The following CERK variants were observed in gnomAD, a reference collection of about 807,000 sequenced individuals.
The protein encoded by CERK is acylsphingosine kinase.
CERK carries 39 observed loss-of-function variants against 63.4 expected under a neutral mutation model. The observed-to-expected ratio is 0.61, with a 90% CI of 0.48 to 0.80. The LOEUF is 0.80. CERK is among the 30% of genes least tolerant of loss of function. CERK has a pLI of 0.00. For missense variants in CERK, 670 were observed against 714.1 expected, an observed-to-expected ratio of 0.94 and a Z score of 0.70; for synonymous variants, 302 against 280.0, an observed-to-expected ratio of 1.08 and a Z score of -0.78.
chr22:46,721,142 G>A (rs1485897786), intron 1 of CERK, 127 bp from the exon 2 acceptor site: 7 of 669,614 alleles, frequency 1.0e-5, no homozygotes, highest in Non-Finnish European at 1.1e-5. Context: ...GCTGGGTGTG[G>A]TGGTGTGCAC....
At chr22:46,690,238 A>C in intron 11 of CERK, 38 bp from the exon 12 acceptor site, 1 of 1,582,174 alleles carries the variant, frequency 6.3e-7, no homozygotes, top group Non-Finnish European at 8.7e-7. Flanking sequence ...TCAGCTCTAA[A>C]CGTCATCGTC....
At position 46,719,007 on chromosome 22, in the gene CERK, G is replaced by A. The variant is rs149080196; in HGVS notation, c.379+1079C>T. ...CACTTGAGCCCGGAAGGTAGAGGCT[G>A]CAGTGAGCTAAGATCATGCCACTGC... is the stretch of plus-strand genomic sequence containing the variant. On this transcript the variant is annotated intron_variant, in intron 3 of 12. Transcript: ENST00000216264. Among the ~76,000 whole-genome samples, 648 of 152,144 alleles carry A rather than the reference G, an allele frequency of 4.3e-3. 13 individuals carry two copies. The highest frequency in any genetic ancestry group is 0.035 in the Admixed American group (532 of 15,286).
intron 1 of CERK, 92 bp downstream of exon 1, chr22:46,737,915 G>C: frequency 1.1e-6 from 1 of 900,396 alleles, no homozygotes; most frequent in Middle Eastern, 4.7e-4. Flanking sequence ...ACAGCCGCTC[G>C]CTCCCTGCAC....
intron 1 of CERK, among the ~76,000 whole-genome samples, chr22:46,736,454 G>A (rs2082974084): frequency 6.6e-6 from 1 of 151,262 alleles, no homozygotes; most frequent in Admixed American, 6.6e-5. Flanking sequence ...TAGGACGGGA[G>A]CAGCTGCCTC....
intron 1 of CERK, among the ~76,000 whole-genome samples, chr22:46,724,398 T>C (rs1283657806): frequency 6.6e-6 from 1 of 152,172 alleles, no homozygotes; most frequent in East Asian, 1.9e-4. Flanking sequence ...TGTGTGGGGC[T>C]GGGGCGCTAA....
In CERK at chr22:46,695,179, G is replaced by C. The variant is rs781641885; in HGVS notation, c.1049+31C>G. 5 of 1,099,062 alleles carry C rather than the reference G, an allele frequency of 4.5e-6. No individual in the cohort carries two copies. The African/African-American group carries it at 7.8e-5, about 17-fold the overall frequency. The allele number at this position is 1,099,062 out of a possible 1,614,324, so 68.1% of individuals were successfully genotyped here. The stretch of plus-strand genomic sequence containing the variant: ...CGTCCTGCTTCATTTCCCGTCATTT[G>C]CAAGAGAAACACACAAAGCAATGCA... On this transcript the variant is annotated intron_variant, in intron 9 of 12. Transcript: ENST00000216264.
chr22:46,733,064 C>T (rs1215998724), intron 1 of CERK, among the ~76,000 whole-genome samples: 4 of 151,100 alleles, frequency 2.6e-5, no homozygotes, highest in South Asian at 2.1e-4. Flanking sequence ...AAAAATTAGC[C>T]GGGTGCAATG....
chr22:46,689,958 A>G (rs2082721496), intron 12 of CERK, 34 bp downstream of exon 12: 4 of 1,535,006 alleles, frequency 2.6e-6, no homozygotes, highest in Non-Finnish European at 3.5e-6. Context: ...GCTCAAGGGG[A>G]TGGCGCTGGT....
chr22:46,713,339 C>T (rs1231666837), intron 3 of CERK, among the ~76,000 whole-genome samples: 1 of 150,622 alleles, frequency 6.6e-6, no homozygotes, highest in Admixed American at 6.6e-5. Context: ...CCCGTCTCTA[C>T]TAAAAAAAAA....
rs902030773 is a variant in CERK at position 46,722,591 on chromosome 22, C to G, written c.143-1576G>C. Among the ~76,000 whole-genome samples the G allele has an allele frequency of 5.0e-5, 7 of 140,982 alleles. 1 individual carries two copies. The Admixed American group carries it at 5.2e-4, about 11-fold the overall frequency. 92.5% of individuals were successfully genotyped at this position (140,982 alleles called of 152,430 possible). A position where few individuals can be genotyped will look rare whatever the true frequency, so the allele number is the denominator to read the frequency against. On this transcript the variant is annotated intron_variant, in intron 1 of 12. Transcript: ENST00000216264. ...TTTTTTTTTTTGAGATGCAGTTTTG[C>G]TCCTGCTGCCCAGACTGGAGGGCAA...
intron 3 of CERK, among the ~76,000 whole-genome samples, chr22:46,719,469 T>TG (rs1236127218): frequency 6.6e-6 from 1 of 151,998 alleles, no homozygotes; most frequent in Non-Finnish European, 1.5e-5. Context: ...GTCAGAAGTC[T>TG]GAGACCAGCC....
chr22:46,720,140 C>T lies in CERK; in HGVS notation c.325G>A (p.Glu109Lys), dbSNP rs150264239. 17 of 1,614,126 alleles carry T rather than the reference C, an allele frequency of 1.1e-5. No homozygotes were observed. In the African/African-American group the frequency reaches 2.1e-4, roughly 20 times the overall value. The change falls in exon 3 of 13, where the codon GAG (glutamate) becomes AAG (lysine). Residue 109 changes from glutamate to lysine, a missense_variant. Physicochemically the swap from Glu to Lys is moderately conservative, Grantham distance 56. Coordinates refer to ENST00000216264, the MANE Select transcript of CERK (RefSeq NM_022766.6). Reference sequence around the variant, plus strand: ...TGCAGCCACAAGTGACACAGCTGCTCCTCTGGACACCAGAAAGTCACCTGC... The same window carrying T: ...TGCAGCCACAAGTGACACAGCTGCTTCTCTGGACACCAGAAAGTCACCTGC... ...WAQVTFWCPE[E>K]QLCHLWLQTL... is the part of the protein sequence containing the mutation.
rs764642143 is a variant in CERK at position 46,701,598 on chromosome 22, C to T, written c.790+38G>A. 4.7e-5 allele frequency: 72 copies of T among 1,531,738 alleles called. No homozygotes were observed. The South Asian group carries it at 5.5e-4, about 12-fold the overall frequency. 94.9% of individuals were successfully genotyped at this position (1,531,738 alleles called of 1,614,324 possible). On this transcript the variant is annotated intron_variant, in intron 7 of 12. Transcript: ENST00000216264. ...GACAGGCCTGGGGGCGCAGGAGGCC[C>T]GGCTGCCACCGTGCGCATGCGCAGA...
In CERK at chr22:46,722,163, CT is replaced by C. The variant is rs543850948; in HGVS notation, c.143-1149del. Among the ~76,000 whole-genome samples the C allele has an allele frequency of 2.0e-5, 3 of 152,282 alleles. No individual in the cohort carries two copies. The South Asian group carries it at 6.2e-4, about 32-fold the overall frequency. ...TAGCTTCCTAGGTTGGCTATAAAAC[CT>C]GCAATATAGCTAAAATACCGTATTT... On this transcript the variant is annotated intron_variant, in intron 1 of 12. Coordinates refer to ENST00000216264, the MANE Select transcript of CERK (RefSeq NM_022766.6).
In CERK at chr22:46,714,694, A is replaced by T. The variant is rs2082858579; in HGVS notation, c.380-2401T>A. Among the ~76,000 whole-genome samples, 1 of 152,190 alleles carries T rather than the reference A, an allele frequency of 6.6e-6. No homozygotes were observed. The highest frequency in any genetic ancestry group is 1.5e-5 in the Non-Finnish European group (1 of 68,036). On this transcript the variant is annotated intron_variant, in intron 3 of 12. Transcript: ENST00000216264. The surrounding 1 kb of genome is among the most constrained non-coding windows in gnomAD (Gnocchi z 4.4). ...AATTCTTCCAAACATTTAAGGAAAAAATAGCCTCAAGATTATAGGAACGCT... is the reference window on the plus strand; with the variant it reads ...AATTCTTCCAAACATTTAAGGAAAATATAGCCTCAAGATTATAGGAACGCT...
rs1258138261 is a variant in CERK, at chr22:46,687,146, G to A, written c.1602C>T (p.Asp534=). 7 of 1,614,048 alleles carry A rather than the reference G, an allele frequency of 4.3e-6. No homozygotes were observed. Among genetic ancestry groups the A allele is most frequent in the Admixed American group, 1.7e-5 (1 of 60,008 alleles). ...GGACGCCGGCTTCTCAGCTGTGTGA[G>A]TCTGGCTTCGGATTCTCTTCAATTC... ...ARGIEENPKP[D]SHS The change falls in exon 13 of 13, where the codon GAC becomes GAT. Residue 534 remains aspartate (D), a synonymous_variant. Transcript: ENST00000216264.
At chr22:46,705,496 A>T (rs1460123093) in intron 6 of CERK, among the ~76,000 whole-genome samples, 1 of 151,920 alleles carries the variant, frequency 6.6e-6, no homozygotes, top group Non-Finnish European at 1.5e-5. Context: ...ACGTAGCAAA[A>T]CCCTGTTTCT....
intron 2 of CERK, 27 bp from the exon 3 acceptor site, chr22:46,720,235 G>C (rs1290580955): frequency 6.3e-7 from 1 of 1,592,856 alleles, no homozygotes; most frequent in Non-Finnish European, 8.6e-7. Flanking sequence ...ATGCTCGTTA[G>C]TGCAAAGTTT....
chr22:46,701,051 C>T (rs2082781078), intron 7 of CERK, among the ~76,000 whole-genome samples: 4 of 152,044 alleles, frequency 2.6e-5, no homozygotes, highest in African/African-American at 7.2e-5. Flanking sequence ...TTAAAATATA[C>T]AGTTTCTGTG....
Sources: gnomAD v4.1 joint callset for allele counts (sites outside exome capture counted in the v4.1 genomes callset) on GRCh38, gnomAD v4.1.1 for gene constraint, Gnocchi (gnomAD v3.1) non-coding constraint, MANE v1.5 for transcripts, NCBI Gene and HGNC (gene_info 2026-07-23, HGNC 2026-07-21) for gene names.